Variants in ADCY1 observed in about 807,000 individuals in gnomAD.
ADCY1 encodes adenylate cyclase 1, also known as adenylate cyclase type 1.
Under a neutral mutation model 105.4 loss-of-function variants are expected in ADCY1, and 28 were observed. The observed-to-expected ratio is 0.27, with a 90% CI of 0.20 to 0.36. The LOEUF (loss-of-function observed/expected upper bound fraction) is 0.36. Among genes scored for constraint, ADCY1 ranks in the 10% least tolerant of loss-of-function variants. The pLI is 1.00. For missense variants in ADCY1, 977 were observed against 1,434.2 expected (o/e 0.68, Z 5.15); for synonymous variants, 655 against 623.8 (o/e 1.05, Z -0.75).
At chr7:45,629,635 T>C (rs987574017) in intron 4 of ADCY1, among the ~76,000 whole-genome samples, 2 of 152,082 alleles carry the variant, frequency 1.3e-5, no homozygotes, top group African/African-American at 2.4e-5. Flanking sequence ...TCTCCTGCCT[T>C]AGCCTCCCTA....
intron 1 of ADCY1, among the ~76,000 whole-genome samples, chr7:45,590,716 T>C (rs1196447821): frequency 6.6e-6 from 1 of 151,896 alleles, no homozygotes; most frequent in Non-Finnish European, 1.5e-5. Context: ...GATTTCAAGG[T>C]CACCTTCTTG....
At chr7:45,624,549 A>C (rs892680687) in intron 4 of ADCY1, among the ~76,000 whole-genome samples, 13 of 152,152 alleles carry the variant, frequency 8.5e-5, no homozygotes, top group Admixed American at 3.3e-4. Flanking sequence ...AAGACCTTTT[A>C]TTCCCCACAG....
chr7:45,603,691 C>T (rs1000732460), intron 2 of ADCY1, among the ~76,000 whole-genome samples: 2 of 152,162 alleles, frequency 1.3e-5, no homozygotes, highest in Non-Finnish European at 2.9e-5. Context: ...TAAATAGCCA[C>T]ATCCACTTCC....
chr7:45,656,482 G>T (rs1794947219), intron 5 of ADCY1, among the ~76,000 whole-genome samples: 2 of 152,362 alleles, frequency 1.3e-5, no homozygotes, highest in East Asian at 3.9e-4. Context: ...CTGCCTTGGA[G>T]TGGCTGCTGG....
At chr7:45,707,701 G>T (rs1785147763) in intron 17 of ADCY1, among the ~76,000 whole-genome samples, 1 of 152,140 alleles carries the variant, frequency 6.6e-6, no homozygotes, top group Admixed American at 6.5e-5. Context: ...TTCATCAGTT[G>T]TAACAAATGT....
chr7:45,614,339 A>G (rs1793676895), intron 3 of ADCY1, among the ~76,000 whole-genome samples: 1 of 152,230 alleles, frequency 6.6e-6, no homozygotes, highest in Non-Finnish European at 1.5e-5. Flanking sequence ...GGACAGTTAT[A>G]GTTTTTATAA....
At chr7:45,662,276 T>C in intron 8 of ADCY1, 62 bp downstream of exon 8, 1 of 1,537,022 alleles carries the variant, frequency 6.5e-7, no homozygotes, top group Non-Finnish European at 8.8e-7. Context: ...TGTCCTGCCC[T>C]CCCAATATGG....
At chr7:45,576,069 A>C (rs897765002) in intron 1 of ADCY1, among the ~76,000 whole-genome samples, 2 of 152,148 alleles carry the variant, frequency 1.3e-5, no homozygotes, top group Non-Finnish European at 2.9e-5. Context: ...GGAGATTTGG[A>C]AGACCCTGAG....
chr7:45,596,438 C>A (rs192881388), intron 2 of ADCY1, among the ~76,000 whole-genome samples: 1 of 151,948 alleles, frequency 6.6e-6, no homozygotes, highest in African/African-American at 2.4e-5. Context: ...TGGACACACC[C>A]CAGTCTGGGA....
At chr7:45,677,649 C>T (rs902988095) in intron 8 of ADCY1, among the ~76,000 whole-genome samples, 2 of 152,126 alleles carry the variant, frequency 1.3e-5, no homozygotes, top group African/African-American at 4.8e-5. Flanking sequence ...CACTCAGGGG[C>T]CATAAAACCG....
At chr7:45,655,554 T>C (rs1030240609) in intron 5 of ADCY1, among the ~76,000 whole-genome samples, 2 of 152,232 alleles carry the variant, frequency 1.3e-5, no homozygotes, top group Admixed American at 6.5e-5. Context: ...TGAGAACAGT[T>C]CTGGGTGCAT....
intron 8 of ADCY1, among the ~76,000 whole-genome samples, chr7:45,666,577 G>T (rs915970373): frequency 6.6e-6 from 1 of 152,132 alleles, no homozygotes; most frequent in Non-Finnish European, 1.5e-5. Flanking sequence ...GAATAGTGCC[G>T]CAATAAACAT....
rs902111915 is a variant in ADCY1, at chr7:45,616,145, A to G, written c.908+5648A>G. On this transcript the variant is annotated intron_variant, in intron 3 of 19. Transcript: ENST00000297323. ...CAAGACTAAGTCATTAAGAAGTAGA[A>G]AGTTTGAACAGACCTATATATAGTA... Among the ~76,000 whole-genome samples, 50 of 152,222 alleles carry G rather than the reference A, an allele frequency of 3.3e-4. 1 individual carries two copies. Among genetic ancestry groups the G allele is most frequent in the African/African-American group, 9.6e-4 (40 of 41,466 alleles).
intron 1 of ADCY1, among the ~76,000 whole-genome samples, chr7:45,577,085 T>TG (rs1792371503): frequency 6.6e-6 from 1 of 152,012 alleles, no homozygotes; most frequent in Admixed American, 6.5e-5. Flanking sequence ...GTCACTGTAG[T>TG]GGGGAAGGAA....
rs1792911410 is a variant in ADCY1, at chr7:45,591,336, G to A, written c.640-1423G>A. Among the ~76,000 whole-genome samples, 1 of 152,206 alleles carries A rather than the reference G, an allele frequency of 6.6e-6. No individual in the cohort carries two copies. The highest frequency in any genetic ancestry group is 1.5e-5 in the Non-Finnish European group (1 of 68,040). ...TGCTGCCTGTAGCTTGGCCCGATCAGGGTGACACCCATCTGTCCCGTCTCA... is the reference window on the plus strand; with the variant it reads ...TGCTGCCTGTAGCTTGGCCCGATCAAGGTGACACCCATCTGTCCCGTCTCA... On this transcript the variant is annotated intron_variant, in intron 1 of 19. Coordinates refer to ENST00000297323, the MANE Select transcript of ADCY1 (RefSeq NM_021116.4). This position sits in a 1 kb window ranked among gnomAD's most constrained non-coding sequence, Gnocchi z 4.1.
chr7:45,712,029 C>T (rs5021796), intron 19 of ADCY1, among the ~76,000 whole-genome samples: 93,998 of 111,950 alleles, frequency 0.84, 38,137 homozygotes, highest in South Asian at 0.95. Flanking sequence ...ATATATTATA[C>T]TAAATATATA....
chr7:45,654,243 G>A (rs1020050244), intron 5 of ADCY1, among the ~76,000 whole-genome samples: 3 of 152,162 alleles, frequency 2.0e-5, no homozygotes, highest in East Asian at 1.9e-4. Flanking sequence ...AGCCTTGTTC[G>A]TCACAGGTGA....
intron 4 of ADCY1, among the ~76,000 whole-genome samples, chr7:45,636,344 T>TG (rs1460689992): frequency 3.3e-5 from 5 of 152,222 alleles, no homozygotes; most frequent in Admixed American, 1.3e-4. Context: ...ACAGTGTAAA[T>TG]GCTATGTAAA....
intron 4 of ADCY1, 136 bp downstream of exon 4, chr7:45,622,879 A>G: frequency 1.4e-6 from 1 of 696,044 alleles, no homozygotes; most frequent in Non-Finnish European, 2.4e-6. Context: ...GTTATAAATC[A>G]CCTGTTGTTT....
Sources: gnomAD v4.1 joint callset for allele counts (sites outside exome capture counted in the v4.1 genomes callset) on GRCh38, gnomAD v4.1.1 for gene constraint, Gnocchi (gnomAD v3.1) non-coding constraint, MANE v1.5 for transcripts, NCBI Gene and HGNC (gene_info 2026-07-23, HGNC 2026-07-21) for gene names.